The following NWD1 variants were observed in gnomAD, a reference collection of about 807,000 sequenced individuals.
NWD1 encodes NACHT and WD repeat domain containing 1, also known as NACHT domain- and WD repeat-containing protein 1.
NWD1 carries 129 observed loss-of-function variants against 135.1 expected under a neutral mutation model. The ratio of observed to expected loss-of-function variants is 0.96; its 90% confidence interval spans 0.83 to 1.11. NWD1 has a LOEUF of 1.11. Among genes scored for constraint, NWD1 ranks in the 50% least tolerant of loss-of-function variants. NWD1 has a pLI of 0.00. For missense variants in NWD1, 1,740 were observed against 1,851.3 expected, an observed-to-expected ratio of 0.94 and a Z score of 1.10; for synonymous variants, 773 against 786.0, an observed-to-expected ratio of 0.98 and a Z score of 0.28.
intron 12 of NWD1, among the ~76,000 whole-genome samples, chr19:16,783,867 A>G (rs935327936): frequency 6.6e-6 from 1 of 152,140 alleles, no homozygotes; most frequent in African/African-American, 2.4e-5. Context: ...AACTATTTAC[A>G]TAGCACGTAT....
intron 9 of NWD1, among the ~76,000 whole-genome samples, chr19:16,764,188 C>T (rs1969127501): frequency 6.6e-6 from 1 of 152,132 alleles, no homozygotes; most frequent in Non-Finnish European, 1.5e-5. Flanking sequence ...AGGAATGCTG[C>T]TTAATACCCT....
Position 16,744,547 on chromosome 19 carries a change from C to T in NWD1, c.325C>T (p.Gln109Ter), listed in dbSNP as rs1433317848. Residue 109 changes from glutamine (Q) to a stop codon, truncating the protein, a stop_gained, in exon 5 of 19, where the codon CAG (glutamine) becomes TAG (stop). Transcript: ENST00000524140. LOFTEE classifies it high-confidence loss of function. ...CCTGGAGCTGGTGGCACGATACTTCCAGAGGGACGAGAATGCGTTTCCTCC... is the reference window on the plus strand; with the variant it reads ...CCTGGAGCTGGTGGCACGATACTTCTAGAGGGACGAGAATGCGTTTCCTCC... Reference protein sequence around the residue: ...SDLELVARYFQRDENAFPPTY... With the variant: ...SDLELVARYF The T allele has an allele frequency of 2.6e-6, 4 of 1,535,902 alleles. No individual in the cohort carries two copies. The African/African-American group carries it at 4.1e-5, about 16-fold the overall frequency.
intron 5 of NWD1, among the ~76,000 whole-genome samples, chr19:16,748,061 G>C (rs959074841): frequency 1.3e-5 from 2 of 152,192 alleles, no homozygotes; most frequent in Non-Finnish European, 2.9e-5. Context: ...TTGGCTCACT[G>C]CAACCTTTGC....
At chr19:16,759,559 T>G in intron 7 of NWD1, 131 bp downstream of exon 7, 1 of 677,976 alleles carries the variant, frequency 1.5e-6, no homozygotes, top group Non-Finnish European at 2.5e-6. Context: ...CAGTTAGAAC[T>G]CTGACACAAT....
Position 16,813,469 on chromosome 19 carries a change from GTTTTTGTTTTTTGT to G in NWD1, c.4288-1547_4288-1534del, listed in dbSNP as rs1037063202. ...GCCTTATAGATGTTAGAAGCAGCCTGTTTTTGTTTTTTGTTTTTTGTTTTTGAGATGGAGTCTAG... is the reference window on the plus strand; with the variant it reads ...GCCTTATAGATGTTAGAAGCAGCCTGTTTTTGTTTTTGAGATGGAGTCTAG... On this transcript the variant is annotated intron_variant, in intron 18 of 18. Transcript: ENST00000524140. Among the ~76,000 whole-genome samples, 9 of 151,988 alleles carry G rather than the reference GTTTTTGTTTTTTGT, an allele frequency of 5.9e-5. No homozygotes were observed. The South Asian group carries it at 1.7e-3, about 28-fold the overall frequency.
At chr19:16,765,704 G>A (rs2547113) in intron 10 of NWD1, among the ~76,000 whole-genome samples, 27,140 of 152,024 alleles carry the variant, frequency 0.18, 5,723 homozygotes, top group African/African-American at 0.51. Flanking sequence ...CCATCCTGTT[G>A]CCCTGGACTT....
At chr19:16,748,838 TAAG>T (rs10591492) in intron 5 of NWD1, among the ~76,000 whole-genome samples, 12,247 of 151,250 alleles carry the variant, frequency 0.081, 1,036 homozygotes, top group African/African-American at 0.22. Flanking sequence ...ATAATAATAA[TAAG>T]AAGAAGAATA....
At chr19:16,761,384 T>G (rs1324857563) in intron 7 of NWD1, among the ~76,000 whole-genome samples, 2 of 140,344 alleles carry the variant, frequency 1.4e-5, no homozygotes, top group Non-Finnish European at 2.9e-5. Flanking sequence ...TTCTCTTTTT[T>G]TCCTTTTTTC....
intron 2 of NWD1, among the ~76,000 whole-genome samples, chr19:16,730,541 C>A (rs1477818712): frequency 6.6e-6 from 1 of 151,680 alleles, no homozygotes; most frequent in East Asian, 1.9e-4. Context: ...TAGTGAGACT[C>A]CTTCTCTACA....
chr19:16,767,303 G>C (rs1351675627), intron 10 of NWD1, among the ~76,000 whole-genome samples: 1 of 151,566 alleles, frequency 6.6e-6, no homozygotes, highest in Non-Finnish European at 1.5e-5. Context: ...GCGAGAGAGA[G>C]GGAGCAACTG....
intron 6 of NWD1, among the ~76,000 whole-genome samples, chr19:16,751,936 A>G (rs1408834485): frequency 6.6e-6 from 1 of 151,392 alleles, no homozygotes; most frequent in Non-Finnish European, 1.5e-5. Flanking sequence ...AGGAAAGAAG[A>G]AAGGAAGGAA....
rs750269027 is a variant in NWD1, at chr19:16,800,026, C to T, written c.3600C>T (p.Ser1200=). 14 of 1,614,192 alleles carry T rather than the reference C, an allele frequency of 8.7e-6. No homozygotes were observed. The Admixed American group carries it at 1.3e-4, about 15-fold the overall frequency. The part of the protein sequence containing the change: ...QSSSFKVWDL[S]DAHRSRVPAP... ...CATCTTTCAAGGTCTGGGATCTCAG[C>T]GATGCTCATAGGTCCCGGGTGCCTG... Residue 1200 remains serine, a synonymous_variant, in exon 17 of 19, where the codon AGC becomes AGT. Transcript: ENST00000524140.
intron 18 of NWD1, chr19:16,812,721 G>C (rs369653343): frequency 2.2e-5 from 17 of 780,558 alleles, no homozygotes; most frequent in Non-Finnish European, 3.8e-5. Context: ...GAAAAAGAGA[G>C]ATCATATTGT....
intron 4 of NWD1, among the ~76,000 whole-genome samples, chr19:16,743,776 G>C (rs535579128): frequency 6.6e-6 from 1 of 151,996 alleles, no homozygotes; most frequent in South Asian, 2.1e-4. Context: ...TCCCTCTCCC[G>C]GGTTCAAGCA....
chr19:16,773,069 C>A, intron 10 of NWD1, 57 bp from the exon 11 acceptor site: 1 of 1,457,368 alleles, frequency 6.9e-7, no homozygotes, highest in Non-Finnish European at 9.6e-7. Context: ...ACTCAATTGG[C>A]AGGGAGGGTA....
chr19:16,751,025 C>A (rs897033941), intron 6 of NWD1, among the ~76,000 whole-genome samples: 1 of 151,540 alleles, frequency 6.6e-6, no homozygotes, highest in Non-Finnish European at 1.5e-5. Context: ...AGTTGGAGAC[C>A]AGCCTGACAA....
intron 13 of NWD1, among the ~76,000 whole-genome samples, chr19:16,789,725 T>A (rs975212531): frequency 6.7e-6 from 1 of 149,344 alleles, no homozygotes; most frequent in South Asian, 2.1e-4. Context: ...TCTTTTTTTT[T>A]TTTTTTTTTT....
chr19:16,811,279 C>T (rs569582317), intron 18 of NWD1, among the ~76,000 whole-genome samples: 85 of 152,098 alleles, frequency 5.6e-4, no homozygotes, highest in African/African-American at 2.0e-3. Context: ...GAATCCCCAT[C>T]GAAAAAAGAA....
chr19:16,745,156 G>A (rs1968256099), intron 5 of NWD1: 1 of 436,042 alleles, frequency 2.3e-6, no homozygotes, highest in South Asian at 1.7e-5. Flanking sequence ...AGGTAAGACA[G>A]AGTGAGAGCC....
Sources: allele counts gnomAD v4.1 joint callset (sites outside exome capture counted in the v4.1 genomes callset), GRCh38; gene constraint gnomAD v4.1.1; transcripts MANE v1.5; gene names NCBI Gene and HGNC (gene_info 2026-07-23, HGNC 2026-07-21).